LRFN5: variants seen among roughly 807,000 people sequenced by gnomAD.
The protein encoded by LRFN5 is leucine rich repeat and fibronectin type III domain containing 5.
A neutral mutation model predicts 45.6 loss-of-function variants in LRFN5; 24 were observed. That is an observed-to-expected ratio of 0.53 (90% confidence interval 0.38 to 0.74). LRFN5 has a LOEUF of 0.74. Among genes scored for constraint, LRFN5 ranks in the 30% least tolerant of loss-of-function variants. The pLI, the probability that LRFN5 is intolerant of heterozygous loss-of-function variation, is 0.00. For synonymous variants in LRFN5, 340 were observed against 313.8 expected (o/e 1.08, Z -0.88); for missense variants, 776 against 861.5 (o/e 0.90, Z 1.24).
intron 1 of LRFN5, among the ~76,000 whole-genome samples, chr14:41,624,012 A>C (rs1339414695): frequency 2.0e-5 from 3 of 152,146 alleles, no homozygotes; most frequent in Non-Finnish European, 4.4e-5. Flanking sequence ...CTAGTTTAAT[A>C]AATTACATGT....
chr14:41,885,336 AAAAG>A (rs1039488029), intron 2 of LRFN5, among the ~76,000 whole-genome samples: 6 of 151,180 alleles, frequency 4.0e-5, no homozygotes, highest in Non-Finnish European at 5.9e-5. Context: ...AAAAAAAAAA[AAAAG>A]AAAGAAAGAA....
At chr14:41,690,111 C>G (rs946467288) in intron 1 of LRFN5, among the ~76,000 whole-genome samples, 2 of 151,828 alleles carry the variant, frequency 1.3e-5, no homozygotes, top group African/African-American at 4.8e-5. Context: ...ATACAGATGC[C>G]AAAACCTTGA....
At chr14:41,884,662 C>T (rs1295490479) in intron 2 of LRFN5, among the ~76,000 whole-genome samples, 3 of 152,020 alleles carry the variant, frequency 2.0e-5, no homozygotes, top group African/African-American at 7.3e-5. Context: ...CATTTAACAC[C>T]CTCCCCTTAA....
At chr14:41,894,058 A>G (rs1890865036) in intron 4 of LRFN5, 3 of 984,176 alleles carry the variant, frequency 3.0e-6, no homozygotes, top group Non-Finnish European at 3.6e-6. Flanking sequence ...TTGCAGAAGC[A>G]TACTACTTTT....
intron 1 of LRFN5, among the ~76,000 whole-genome samples, chr14:41,683,708 T>C (rs1882001575): frequency 6.6e-6 from 1 of 151,914 alleles, no homozygotes; most frequent in Admixed American, 6.6e-5. Flanking sequence ...TAGGTACAAA[T>C]GGCATAAAAT....
At chr14:41,664,855 G>A (rs986114291) in intron 1 of LRFN5, among the ~76,000 whole-genome samples, 2 of 151,794 alleles carry the variant, frequency 1.3e-5, no homozygotes, top group African/African-American at 2.4e-5. Context: ...TTTGAGGTAT[G>A]GGCCACACAA....
chr14:41,681,569 TAA>T (rs1881882540), intron 1 of LRFN5, among the ~76,000 whole-genome samples: 2 of 151,806 alleles, frequency 1.3e-5, no homozygotes, highest in Admixed American at 6.6e-5. Flanking sequence ...AAGGGAGAAA[TAA>T]AGACTTTCCC....
At chr14:41,698,011 A>ATT (rs1882688416) in intron 1 of LRFN5, among the ~76,000 whole-genome samples, 1 of 151,962 alleles carries the variant, frequency 6.6e-6, no homozygotes, top group Non-Finnish European at 1.5e-5. Flanking sequence ...TATCCTAGGA[A>ATT]TTATAGAGAC....
rs370969321 is a variant in LRFN5 at position 41,747,497 on chromosome 14, T to C, written c.-196-19357T>C. Among the ~76,000 whole-genome samples the C allele has an allele frequency of 1.1e-4, 17 of 152,140 alleles. No homozygotes were observed. The East Asian group carries it at 1.5e-3, about 14-fold the overall frequency. ...ATGCAAAATAATTAAGTTGGACCTT[T>C]ACATAACACCATATACAAAAATTAA... is the stretch of plus-strand genomic sequence containing the variant. On this transcript the variant is annotated intron_variant, in intron 1 of 5. Coordinates refer to ENST00000298119, the MANE Select transcript of LRFN5 (RefSeq NM_152447.5).
At chr14:41,866,461 A>G (rs1360917157) in intron 2 of LRFN5, among the ~76,000 whole-genome samples, 2 of 152,090 alleles carry the variant, frequency 1.3e-5, no homozygotes, top group Admixed American at 6.6e-5. Context: ...TTAGCATGAG[A>G]TAAAATCACT....
intron 1 of LRFN5, among the ~76,000 whole-genome samples, chr14:41,651,525 C>A (rs1203740162): frequency 6.6e-6 from 1 of 152,122 alleles, no homozygotes; most frequent in Non-Finnish European, 1.5e-5. Context: ...GTAGGTAATT[C>A]TTTACATGAT....
chr14:41,769,009 A>G (rs79052311), intron 2 of LRFN5, among the ~76,000 whole-genome samples: 1,630 of 152,124 alleles, frequency 0.011, 26 homozygotes, highest in African/African-American at 0.037. Flanking sequence ...GTGTAGAAGT[A>G]GTACCTCATG....
chr14:41,668,905 C>T (rs1037566472), intron 1 of LRFN5, among the ~76,000 whole-genome samples: 3 of 151,902 alleles, frequency 2.0e-5, no homozygotes, highest in South Asian at 4.2e-4. Flanking sequence ...TCTAAAAATT[C>T]GATTTATATA....
At chr14:41,636,999 G>A (rs1436521135) in intron 1 of LRFN5, among the ~76,000 whole-genome samples, 1 of 152,136 alleles carries the variant, frequency 6.6e-6, no homozygotes, top group East Asian at 1.9e-4. Flanking sequence ...GAGAAACTAA[G>A]TCTTGAATAT....
At chr14:41,888,325 A>T (rs1022290114) in intron 3 of LRFN5, among the ~76,000 whole-genome samples, 1 of 152,294 alleles carries the variant, frequency 6.6e-6, no homozygotes, top group South Asian at 2.1e-4. Context: ...TTACACACAC[A>T]TGAGTGTTCT....
At chr14:41,774,169 C>G (rs1886194267) in intron 2 of LRFN5, among the ~76,000 whole-genome samples, 1 of 152,184 alleles carries the variant, frequency 6.6e-6, no homozygotes, top group African/African-American at 2.4e-5. Flanking sequence ...TGACAACAAT[C>G]TTAATTGCAA....
chr14:41,710,268 T>C (rs796971813), intron 1 of LRFN5, among the ~76,000 whole-genome samples: 7 of 152,052 alleles, frequency 4.6e-5, no homozygotes, highest in African/African-American at 1.7e-4. Context: ...TGACCAAGAG[T>C]CTCAGTCTCC....
chr14:41,884,536 G>A (rs1890497386), intron 2 of LRFN5, among the ~76,000 whole-genome samples: 2 of 152,146 alleles, frequency 1.3e-5, no homozygotes, highest in South Asian at 2.1e-4. Context: ...TTTGATTAGG[G>A]GATAACACAC....
At chr14:41,871,237 T>A (rs965071938) in intron 2 of LRFN5, among the ~76,000 whole-genome samples, 1 of 151,564 alleles carries the variant, frequency 6.6e-6, no homozygotes. Context: ...TTAAAAATAA[T>A]CATCAAATCA....
Sources: gnomAD v4.1 joint callset for allele counts (sites outside exome capture counted in the v4.1 genomes callset) on GRCh38, gnomAD v4.1.1 for gene constraint, MANE v1.5 for transcripts, NCBI Gene and HGNC (gene_info 2026-07-23, HGNC 2026-07-21) for gene names.